The following ARGLU1 variants were observed in gnomAD, a reference collection of about 807,000 sequenced individuals.
ARGLU1 encodes the protein arginine and glutamate-rich protein 1.
ARGLU1 carries 9 observed loss-of-function variants against 37.6 expected under a neutral mutation model. That is an observed-to-expected ratio of 0.24 (90% CI 0.14 to 0.42). The LOEUF (loss-of-function observed/expected upper bound fraction) is 0.42, where lower values mean the gene tolerates loss of function less well. ARGLU1 is among the 10% of genes least tolerant of loss of function. The pLI, the probability that ARGLU1 is intolerant of heterozygous loss-of-function variation, is 1.00. For synonymous variants in ARGLU1, 166 were observed against 138.5 expected (o/e 1.20, Z -1.39); for missense variants, 211 against 359.2 (o/e 0.59, Z 3.34).
At chr13:106,552,691 GC>G (rs1880560447) in intron 3 of ARGLU1, among the ~76,000 whole-genome samples, 1 of 152,036 alleles carries the variant, frequency 6.6e-6, no homozygotes, top group Non-Finnish European at 1.5e-5. Flanking sequence ...AAAATTTTAA[GC>G]ATTATTTTTA....
intron 3 of ARGLU1, among the ~76,000 whole-genome samples, chr13:106,548,086 G>A (rs1306797922): frequency 1.3e-5 from 2 of 152,084 alleles, no homozygotes; most frequent in Admixed American, 6.6e-5. Flanking sequence ...TTAATGCAAT[G>A]ATTTAAAAAT....
At chr13:106,555,107 C>T (rs185650030) in intron 3 of ARGLU1, among the ~76,000 whole-genome samples, 71 of 152,030 alleles carry the variant, frequency 4.7e-4, no homozygotes, top group African/African-American at 1.5e-3. Context: ...CCTGTAATCC[C>T]AGCACTTTGG....
In ARGLU1 at chr13:106,542,063, C is replaced by T. The variant is rs1880272390; in HGVS notation, c.*1933G>A. On this transcript the variant is annotated 3_prime_UTR_variant, in exon 4 of 4. Transcript: ENST00000400198. ...TCTCACTGGAGTCTCCAAAAGCAAG[C>T]AGATACTGCAGGATGTCATTAAGCA... The T allele has an allele frequency of 6.6e-6, 1 of 151,992 alleles. No homozygotes were observed. Among genetic ancestry groups the T allele is most frequent in the Non-Finnish European group, 1.5e-5 (1 of 67,972 alleles). 9.4% of individuals were successfully genotyped at this position (151,992 alleles called of 1,614,324 possible). A position where few individuals can be genotyped will look rare whatever the true frequency, so the allele number is the denominator to read the frequency against.
At chr13:106,547,188 G>A (rs769350360) in intron 3 of ARGLU1, among the ~76,000 whole-genome samples, 6 of 152,096 alleles carry the variant, frequency 3.9e-5, no homozygotes, top group Non-Finnish European at 5.9e-5. Flanking sequence ...TAGGCTTCCC[G>A]GCTTCCAGAA....
intron 3 of ARGLU1, among the ~76,000 whole-genome samples, chr13:106,550,586 CTTT>C (rs758146272): frequency 6.6e-6 from 1 of 152,172 alleles, no homozygotes; most frequent in Non-Finnish European, 1.5e-5. Flanking sequence ...ATACCCTGTT[CTTT>C]TTCCAACTGT....
At chr13:106,555,298 C>T (rs775225072) in intron 3 of ARGLU1, among the ~76,000 whole-genome samples, 1 of 152,076 alleles carries the variant, frequency 6.6e-6, no homozygotes, top group Non-Finnish European at 1.5e-5. Flanking sequence ...GAGGTGGAGG[C>T]TGCAATGACC....
intron 3 of ARGLU1, among the ~76,000 whole-genome samples, chr13:106,553,867 C>T: frequency 6.6e-6 from 1 of 152,292 alleles, no homozygotes; most frequent in East Asian, 1.9e-4. Flanking sequence ...TTTCTATAAT[C>T]CACTTTCCAC....
chr13:106,551,723 C>T (rs1479469352), intron 3 of ARGLU1, among the ~76,000 whole-genome samples: 1 of 152,136 alleles, frequency 6.6e-6, no homozygotes, highest in Non-Finnish European at 1.5e-5. Flanking sequence ...GAGTCTGCTC[C>T]TTGTCTCTTA....
Position 106,567,721 on chromosome 13 carries a change from G to A in ARGLU1, c.199C>T (p.Arg67Trp), listed in dbSNP as rs1881016290. 3 of 1,611,928 alleles carry A rather than the reference G, an allele frequency of 1.9e-6. No individual in the cohort carries two copies. Among genetic ancestry groups the A allele is most frequent in the African/African-American group, 2.7e-5 (2 of 74,730 alleles). ...GCGCGCTCCCGGTCCCGCTCGCGCCGGGACACGGCCGTGTTGGTGGAGCGC... is the reference window on the plus strand; with the variant it reads ...GCGCGCTCCCGGTCCCGCTCGCGCCAGGACACGGCCGTGTTGGTGGAGCGC... The part of the protein sequence containing the change: ...RSRSTNTAVS[R>W]RERDRERASS... Residue 67 changes from arginine (R) to tryptophan (W), a missense_variant, in exon 1 of 4, where the codon CGG (arginine) becomes TGG (tryptophan). Arg to Trp is a moderately radical substitution (Grantham distance 101). This residue lies in a region of ARGLU1 where 130 missense variants were observed against 179.8 expected (regional missense o/e 0.72). Coordinates refer to ENST00000400198, the MANE Select transcript of ARGLU1 (RefSeq NM_018011.4). This position sits in a 1 kb window ranked among gnomAD's most constrained non-coding sequence, Gnocchi z 4.3.
chr13:106,559,760 T>C, intron 1 of ARGLU1, 103 bp from the exon 2 acceptor site: 1 of 1,249,544 alleles, frequency 8.0e-7, no homozygotes, highest in Admixed American at 2.6e-5. Context: ...CCTGATATTA[T>C]TCAGTGATTT....
In ARGLU1 at chr13:106,543,860, G is replaced by T; in HGVS notation, c.*136C>A. 2 of 694,436 alleles carry T rather than the reference G, an allele frequency of 2.9e-6. No individual in the cohort carries two copies. The highest frequency in any genetic ancestry group is 4.5e-6 in the Non-Finnish European group (2 of 442,432). 43.0% of individuals were successfully genotyped at this position (694,436 alleles called of 1,614,324 possible). On this transcript the variant is annotated 3_prime_UTR_variant, in exon 4 of 4. Coordinates refer to ENST00000400198, the MANE Select transcript of ARGLU1 (RefSeq NM_018011.4). ...AAAAAAAAGGGAATTGCAGAGCATA[G>T]CCCCTATTAGAACAAGCTAACTTTC...
intron 3 of ARGLU1, among the ~76,000 whole-genome samples, chr13:106,552,501 G>A (rs1880556943): frequency 6.6e-6 from 1 of 152,168 alleles, no homozygotes; most frequent in Admixed American, 6.5e-5. Context: ...CAAGGGTATA[G>A]ATTGAGAGTT....
intron 3 of ARGLU1, among the ~76,000 whole-genome samples, chr13:106,548,676 TACAC>T (rs969647253): frequency 6.6e-6 from 1 of 152,100 alleles, no homozygotes; most frequent in Non-Finnish European, 1.5e-5. Context: ...TGGTAAGAAG[TACAC>T]ACACAAAAAA....
Position 106,557,203 on chromosome 13 carries a change from T to TAA in ARGLU1, c.574-73_574-72insTT. ...TTTTATTGATAAATATTTACTAATC[T>TAA]TCCTCTGAACTTTTTTGATATGACT... On this transcript the variant is annotated intron_variant, in intron 2 of 3. Coordinates refer to ENST00000400198, the MANE Select transcript of ARGLU1 (RefSeq NM_018011.4). This position sits in a 1 kb window ranked among gnomAD's most constrained non-coding sequence, Gnocchi z 5.0. 3 of 1,341,924 alleles carry TAA rather than the reference T, an allele frequency of 2.2e-6. No individual in the cohort carries two copies. The highest frequency in any genetic ancestry group is 3.2e-6 in the Non-Finnish European group (3 of 950,588). 83.1% of individuals were successfully genotyped at this position (1,341,924 alleles called of 1,614,324 possible).
At chr13:106,556,954 G>T in intron 3 of ARGLU1, 94 bp downstream of exon 3, 1 of 1,109,706 alleles carries the variant, frequency 9.0e-7, no homozygotes, top group Non-Finnish European at 1.4e-6. Context: ...CCCAAAATAA[G>T]TCAAATTATA....
chr13:106,568,106 G>A lies in ARGLU1; in HGVS notation c.-187C>T. On this transcript the variant is annotated 5_prime_UTR_variant, in exon 1 of 4. In the 5' UTR this introduces an upstream ATG that the reference lacks. Transcript: ENST00000400198. ...GAAGGCCGCCTCCAACGAGAAACCCGTAGCGCCAGGCGCCCCTAAGATGGC... is the reference window on the plus strand; with the variant it reads ...GAAGGCCGCCTCCAACGAGAAACCCATAGCGCCAGGCGCCCCTAAGATGGC... 1 of 883,076 alleles carries A rather than the reference G, an allele frequency of 1.1e-6. No homozygotes were observed. The highest frequency in any genetic ancestry group is 3.2e-5 in the East Asian group (1 of 31,720). The allele number at this position is 883,076 out of a possible 1,614,324, so 54.7% of individuals were successfully genotyped here. A position where few individuals can be genotyped will look rare whatever the true frequency, so the allele number is the denominator to read the frequency against.
intron 2 of ARGLU1, chr13:106,558,338 A>G: frequency 2.0e-6 from 2 of 985,232 alleles, no homozygotes; most frequent in African/African-American, 1.7e-5. Context: ...AGGACAAGGG[A>G]AAATGCATTT....
chr13:106,543,376 G>A lies in ARGLU1; in HGVS notation c.*620C>T, dbSNP rs980971412. 2.0e-5 allele frequency: 3 copies of A among 152,352 alleles called. No individual in the cohort carries two copies. Among genetic ancestry groups the A allele is most frequent in the African/African-American group, 7.3e-5 (3 of 41,370 alleles). 9.4% of individuals were successfully genotyped at this position (152,352 alleles called of 1,614,324 possible). A position where few individuals can be genotyped will look rare whatever the true frequency, so the allele number is the denominator to read the frequency against. ...AGCAAAATCATTTATTTACACAATG[G>A]GGAATGCTGGTTTGATTTTGTCAAT... On this transcript the variant is annotated 3_prime_UTR_variant, in exon 4 of 4. Coordinates refer to ENST00000400198, the MANE Select transcript of ARGLU1 (RefSeq NM_018011.4).
intron 3 of ARGLU1, among the ~76,000 whole-genome samples, chr13:106,544,984 CCT>C (rs539462480): frequency 6.6e-6 from 1 of 152,330 alleles, no homozygotes; most frequent in South Asian, 2.1e-4. Context: ...CAGATTTCCC[CCT>C]CTTTACCAAA....
Sources: gnomAD v4.1 joint callset for allele counts (sites outside exome capture counted in the v4.1 genomes callset) on GRCh38, gnomAD v4.1.1 for gene constraint, gnomAD v4.1.1 regional missense constraint, Gnocchi (gnomAD v3.1) non-coding constraint, MANE v1.5 for transcripts, NCBI Gene and HGNC (gene_info 2026-07-23, HGNC 2026-07-21) for gene names.